ZC3H12C: variants seen among roughly 807,000 people sequenced by gnomAD.
The protein encoded by ZC3H12C is zinc finger CCCH-type containing 12C, also known as probable ribonuclease ZC3H12C.
In ZC3H12C, 20 loss-of-function variants were observed where a neutral mutation model predicts 76.3. The ratio of observed to expected loss-of-function variants is 0.26; its 90% CI spans 0.18 to 0.38. ZC3H12C has a LOEUF of 0.38. Among genes scored for constraint, ZC3H12C ranks in the 10% least tolerant of loss-of-function variants. The pLI is 1.00. For missense variants in ZC3H12C, 874 were observed against 1,086.5 expected (o/e 0.80, Z 2.75); for synonymous variants, 352 against 399.6 (o/e 0.88, Z 1.42).
In ZC3H12C at chr11:110,137,055, A is replaced by G; in HGVS notation, c.414A>G (p.Gln138=). Residue 138 remains glutamine (Q), a synonymous_variant, in exon 2 of 6, where the codon CAA becomes CAG. Coordinates refer to ENST00000278590, the MANE Select transcript of ZC3H12C (RefSeq NM_033390.2). The part of the protein sequence containing the change: ...PHILKRNEIL[Q]DFKPEESQTT... ...TACTCAAGCGCAATGAAATTTTGCA[A>G]GACTTTAAACCTGAAGAGTCCCAGA... The G allele has an allele frequency of 6.2e-7, 1 of 1,613,874 alleles. No homozygotes were observed. Among genetic ancestry groups the G allele is most frequent in the South Asian group, 1.1e-5 (1 of 91,044 alleles).
Position 110,164,877 on chromosome 11 carries a change from A to G in ZC3H12C, c.1792A>G (p.Asn598Asp), listed in dbSNP as rs773402894. The change falls in exon 6 of 6, where the codon AAT becomes GAT. Residue 598 changes from asparagine to aspartate, a missense_variant. Asn to Asp is a conservative substitution (Grantham distance 23). Around this residue, in one of 3 missense-constraint regions of ZC3H12C, gnomAD observed 395 missense variants for 434.4 expected, o/e 0.91. Coordinates refer to ENST00000278590, the MANE Select transcript of ZC3H12C (RefSeq NM_033390.2). The surrounding 1 kb of genome is among the most constrained non-coding windows in gnomAD (Gnocchi z 5.7). ...GYYSMLNAYS[N>D]LSLSGPRSPE... ...TTATTCCATGTTGAATGCATACTCA[A>G]ATCTGAGTCTCTCAGGCCCACGAAG... 27 of 1,613,854 alleles carry G rather than the reference A, an allele frequency of 1.7e-5. No homozygotes were observed. The highest frequency in any genetic ancestry group is 8.9e-5 in the East Asian group (4 of 44,892).
At chr11:110,109,741 T>C (rs1861394466) in intron 1 of ZC3H12C, among the ~76,000 whole-genome samples, 1 of 152,198 alleles carries the variant, frequency 6.6e-6, no homozygotes, top group African/African-American at 2.4e-5. Context: ...ACTGTCAGTT[T>C]GGCCATATCC....
chr11:110,146,307 G>C (rs1411516490), intron 2 of ZC3H12C, among the ~76,000 whole-genome samples: 10 of 152,256 alleles, frequency 6.6e-5, no homozygotes, highest in African/African-American at 2.4e-4. Context: ...GTTTTAACGG[G>C]TCAGGCTAAA....
At chr11:110,131,436 C>T (rs1237130099) in intron 1 of ZC3H12C, 1 of 290,756 alleles carries the variant, frequency 3.4e-6, no homozygotes, top group Non-Finnish European at 6.4e-6. Flanking sequence ...TAAATCTTAC[C>T]TTGTCAAAGT....
intron 1 of ZC3H12C, among the ~76,000 whole-genome samples, chr11:110,101,533 TG>T (rs1861214157): frequency 6.8e-6 from 1 of 146,516 alleles, no homozygotes; most frequent in Non-Finnish European, 1.5e-5. Flanking sequence ...GTAAGGCCCT[TG>T]GGAATCAATG....
intron 1 of ZC3H12C, chr11:110,130,868 A>ACCTGAC: frequency 4.8e-6 from 3 of 628,444 alleles, no homozygotes; most frequent in Admixed American, 6.0e-5. Context: ...AAACCTACGA[A>ACCTGAC]CCTGACGCAG....
intron 3 of ZC3H12C, among the ~76,000 whole-genome samples, chr11:110,158,949 G>A (rs1175557351): frequency 1.3e-5 from 2 of 152,214 alleles, no homozygotes; most frequent in African/African-American, 2.4e-5. Context: ...CATAGTGGTC[G>A]TGTGATGACT....
intron 2 of ZC3H12C, 78 bp downstream of exon 2, chr11:110,137,492 C>A: frequency 2.1e-6 from 3 of 1,438,786 alleles, no homozygotes; most frequent in Non-Finnish European, 2.8e-6. Context: ...TGGCTCTTTT[C>A]CTTCTCATGG....
At chr11:110,123,933 C>G (rs1861693627) in intron 1 of ZC3H12C, 1 of 152,184 alleles carries the variant, frequency 6.6e-6, no homozygotes, top group Admixed American at 6.5e-5. Context: ...CACTGAACCC[C>G]AGAATTAGAT....
chr11:110,125,477 T>G (rs907975110), intron 1 of ZC3H12C, among the ~76,000 whole-genome samples: 3 of 152,052 alleles, frequency 2.0e-5, no homozygotes, highest in African/African-American at 7.2e-5. Flanking sequence ...CATGCCACCA[T>G]GCTAATTTTT....
At chr11:110,135,481 C>T (rs1207944762) in intron 1 of ZC3H12C, among the ~76,000 whole-genome samples, 1 of 112,040 alleles carries the variant, frequency 8.9e-6, no homozygotes, top group Non-Finnish European at 1.7e-5. Context: ...CAGAGTGAGA[C>T]TCCCGTCTCA....
chr11:110,144,902 T>C (rs1004423968), intron 2 of ZC3H12C, among the ~76,000 whole-genome samples: 3 of 152,194 alleles, frequency 2.0e-5, no homozygotes, highest in Admixed American at 6.5e-5. Context: ...CAGTTATAAT[T>C]CTAAAATAAC....
chr11:110,106,354 C>T, intron 1 of ZC3H12C, among the ~76,000 whole-genome samples: 1 of 152,208 alleles, frequency 6.6e-6, no homozygotes, highest in East Asian at 1.9e-4. Context: ...CATTTCTCTG[C>T]ACCCATCACT....
chr11:110,126,185 T>C lies in ZC3H12C; in HGVS notation c.22-10478T>C, dbSNP rs573804134. On this transcript the variant is annotated intron_variant, in intron 1 of 5. Coordinates refer to ENST00000278590, the MANE Select transcript of ZC3H12C (RefSeq NM_033390.2). ...AGTTCTGATACAATTTCTTTTAGGA[T>C]TTGAATAGGAAAAGTAGTTGTTGTT... 6.6e-5 allele frequency among the ~76,000 whole-genome samples: 10 copies of C among 151,936 alleles called. No homozygotes were observed. The South Asian group carries it at 2.1e-3, about 32-fold the overall frequency.
At chr11:110,139,310 G>T (rs890504526) in intron 2 of ZC3H12C, among the ~76,000 whole-genome samples, 8 of 152,152 alleles carry the variant, frequency 5.3e-5, no homozygotes, top group African/African-American at 1.4e-4. Context: ...ACATAAAAAA[G>T]AGAAAAACTA....
chr11:110,112,440 C>T (rs1861450165), intron 1 of ZC3H12C, among the ~76,000 whole-genome samples: 1 of 152,176 alleles, frequency 6.6e-6, no homozygotes, highest in Admixed American at 6.5e-5. Flanking sequence ...GTCTTCCTGC[C>T]TCCGCCTCCC....
At chr11:110,158,432 C>T (rs1862416352) in intron 3 of ZC3H12C, among the ~76,000 whole-genome samples, 1 of 151,972 alleles carries the variant, frequency 6.6e-6, no homozygotes, top group African/African-American at 2.4e-5. Flanking sequence ...ATCACTTGAA[C>T]CGGGGAGGCG....
intron 1 of ZC3H12C, among the ~76,000 whole-genome samples, chr11:110,123,337 A>G (rs1188037050): frequency 1.3e-5 from 2 of 152,210 alleles, no homozygotes; most frequent in Admixed American, 1.3e-4. Flanking sequence ...TTTAAGAGCT[A>G]TTTGCTTAAT....
chr11:110,162,119 C>T (rs1862492738), intron 4 of ZC3H12C, among the ~76,000 whole-genome samples: 1 of 151,940 alleles, frequency 6.6e-6, no homozygotes, highest in Non-Finnish European at 1.5e-5. Context: ...CTGGGTGAAA[C>T]AGCAAAACTC....
Sources: allele counts gnomAD v4.1 joint callset (sites outside exome capture counted in the v4.1 genomes callset), GRCh38; gene constraint gnomAD v4.1.1; regional missense constraint gnomAD v4.1.1; non-coding constraint Gnocchi (gnomAD v3.1); transcripts MANE v1.5; gene names NCBI Gene and HGNC (gene_info 2026-07-23, HGNC 2026-07-21).